MTURN: variants seen among roughly 807,000 people sequenced by gnomAD.
MTURN encodes the protein maturin, neural progenitor differentiation regulator homolog, also known as maturin.
Under a neutral mutation model 14.9 loss-of-function variants are expected in MTURN, and 7 were observed. That is an observed-to-expected ratio of 0.47 (90% CI 0.27 to 0.88). The LOEUF (loss-of-function observed/expected upper bound fraction) is 0.88. MTURN is among the 40% of genes least tolerant of loss of function. The probability of loss-of-function intolerance (pLI) is 0.14; values close to 1 mark genes in which losing one functional copy is unlikely to be tolerated. For synonymous variants in MTURN, 69 were observed against 72.5 expected, an observed-to-expected ratio of 0.95 and a Z score of 0.25; for missense variants, 151 against 174.1, an observed-to-expected ratio of 0.87 and a Z score of 0.75.
intron 2 of MTURN, among the ~76,000 whole-genome samples, chr7:30,147,711 GAA>G (rs943700240): frequency 3.9e-5 from 6 of 152,172 alleles, no homozygotes; most frequent in Non-Finnish European, 8.8e-5. Flanking sequence ...CATTCTCAAT[GAA>G]AGAGTTGGAC....
At chr7:30,138,581 T>C (rs1797002111) in intron 1 of MTURN, among the ~76,000 whole-genome samples, 1 of 152,016 alleles carries the variant, frequency 6.6e-6, no homozygotes, top group Non-Finnish European at 1.5e-5. Flanking sequence ...AACCTCCACC[T>C]CACTCTTACT....
At position 30,142,688 on chromosome 7, in the gene MTURN, C is replaced by A. The variant is rs143869441; in HGVS notation, c.163-3489C>A. On this transcript the variant is annotated intron_variant, in intron 1 of 2. Transcript: ENST00000324453. ...ACTTTGCAATTTAAACTCTGCCCCC[C>A]CAGCACGCAACTCTGATCCACACTG... is the stretch of plus-strand genomic sequence containing the variant. Among the ~76,000 whole-genome samples, 217 of 152,036 alleles carry A rather than the reference C, an allele frequency of 1.4e-3. 1 individual carries two copies. The highest frequency in any genetic ancestry group is 7.6e-3 in the East Asian group (39 of 5,142).
At chr7:30,143,317 C>G (rs1797080053) in intron 1 of MTURN, among the ~76,000 whole-genome samples, 1 of 151,232 alleles carries the variant, frequency 6.6e-6, no homozygotes, top group African/African-American at 2.4e-5. Flanking sequence ...TCTGTTTGTC[C>G]TGGTCTCACT....
In MTURN at chr7:30,157,622, G is replaced by A. The variant is rs1262633910; in HGVS notation, c.*74G>A. 1.5e-5 allele frequency: 16 copies of A among 1,074,930 alleles called. No homozygotes were observed. The highest frequency in any genetic ancestry group is 3.4e-5 in the South Asian group (2 of 59,162). The allele number at this position is 1,074,930 out of a possible 1,614,324, so 66.6% of individuals were successfully genotyped here. On this transcript the variant is annotated 3_prime_UTR_variant, in exon 3 of 3. Transcript: ENST00000324453. ...TGGGGTCACTGCCCCTCCTGGGTTA[G>A]CATTTTGCATTAGCACTTCGAAATA... is the stretch of plus-strand genomic sequence containing the variant.
intron 1 of MTURN, among the ~76,000 whole-genome samples, chr7:30,144,649 G>T (rs2128031382): frequency 6.6e-6 from 1 of 152,284 alleles, no homozygotes; most frequent in East Asian, 1.9e-4. Context: ...ATGGACCTTT[G>T]CAACTATGAA....
chr7:30,137,501 G>A, intron 1 of MTURN: 2 of 424,858 alleles, frequency 4.7e-6, no homozygotes, highest in South Asian at 1.7e-5. Flanking sequence ...TTTCCCATCT[G>A]CATGAGAAAA....
chr7:30,140,415 G>GTGTGTGTGTACATATATATATATATATA (rs33952294), intron 1 of MTURN, among the ~76,000 whole-genome samples: 2 of 143,732 alleles, frequency 1.4e-5, no homozygotes, highest in Non-Finnish European at 3.0e-5. Flanking sequence ...GTGTGTGTGT[G>GTGTGTGTGTACATATATATATATATATA]TATCCCCATT....
At chr7:30,147,613 G>A (rs925446875) in intron 2 of MTURN, among the ~76,000 whole-genome samples, 4 of 144,324 alleles carry the variant, frequency 2.8e-5, no homozygotes, top group African/African-American at 1.1e-4. Context: ...CAGGATAAAA[G>A]CAGCTTTTTA....
intron 1 of MTURN, among the ~76,000 whole-genome samples, chr7:30,141,610 A>G (rs1317052303): frequency 2.6e-5 from 4 of 151,938 alleles, no homozygotes; most frequent in Non-Finnish European, 5.9e-5. Context: ...CGTAACCTCA[A>G]ATTCCTGGGC....
At chr7:30,151,375 G>C (rs778701353) in intron 2 of MTURN, among the ~76,000 whole-genome samples, 3 of 152,182 alleles carry the variant, frequency 2.0e-5, no homozygotes, top group Admixed American at 2.0e-4. Flanking sequence ...TCCATTGACA[G>C]TTGCTGGTCA....
intron 2 of MTURN, among the ~76,000 whole-genome samples, chr7:30,155,575 G>A (rs1797274672): frequency 1.3e-5 from 2 of 152,116 alleles, no homozygotes; most frequent in Non-Finnish European, 1.5e-5. Flanking sequence ...CACCCTCTCC[G>A]GGGAGCTGAG....
intron 1 of MTURN, among the ~76,000 whole-genome samples, chr7:30,145,417 C>G (rs1374736680): frequency 1.3e-5 from 2 of 152,266 alleles, no homozygotes; most frequent in Middle Eastern, 6.8e-3. Context: ...TCACTTGAAT[C>G]TGGCAGGAAG....
chr7:30,135,277 C>G lies in MTURN; in HGVS notation c.141C>G (p.Asp47Glu). 1 of 1,527,872 alleles carries G rather than the reference C, an allele frequency of 6.5e-7. No homozygotes were observed. The highest frequency in any genetic ancestry group is 8.8e-7 in the Non-Finnish European group (1 of 1,137,122). 94.6% of individuals were successfully genotyped at this position (1,527,872 alleles called of 1,614,324 possible). A position where few individuals can be genotyped will look rare whatever the true frequency, so the allele number is the denominator to read the frequency against. The change falls in exon 1 of 3, where the codon GAC (aspartate) becomes GAG (glutamate). Residue 47 changes from aspartate (D) to glutamate (E), a missense_variant. Asp to Glu is a conservative substitution (Grantham distance 45). Transcript: ENST00000324453. ...PGVSFYVLCPDNGCGDNFHVW... is the reference protein window; with the variant it reads ...PGVSFYVLCPENGCGDNFHVW... ...TCTCCTTCTATGTGCTGTGTCCGGA[C>G]AACGGCTGCGGCGACAATTTTGTGA...
chr7:30,140,895 A>G (rs1372921667), intron 1 of MTURN: 1 of 152,156 alleles, frequency 6.6e-6, no homozygotes, highest in Non-Finnish European at 1.5e-5. Flanking sequence ...CCCTGTAAAT[A>G]TAATTATTTT....
At chr7:30,146,041 A>G (rs947715384) in intron 1 of MTURN, 136 bp from the exon 2 acceptor site, 2 of 1,585,874 alleles carry the variant, frequency 1.3e-6, no homozygotes, top group Non-Finnish European at 1.7e-6. Context: ...GAACGCATGT[A>G]TGAATTTTAC....
rs757709372 is a variant in MTURN at position 30,146,134 on chromosome 7, T to G, written c.163-43T>G. On this transcript the variant is annotated intron_variant, in intron 1 of 2. Coordinates refer to ENST00000324453, the MANE Select transcript of MTURN (RefSeq NM_152793.3). ...TGAACTTCACACTGAGTGTAGTGAC[T>G]GTGTGTCTTTGTTTTCTCCTTCCGT... 48 of 1,612,214 alleles carry G rather than the reference T, an allele frequency of 3.0e-5. No individual in the cohort carries two copies. The African/African-American group carries it at 5.1e-4, about 17-fold the overall frequency.
At chr7:30,137,459 C>A in intron 1 of MTURN, 1 of 381,640 alleles carries the variant, frequency 2.6e-6, no homozygotes, top group Non-Finnish European at 5.3e-6. Flanking sequence ...TGTATCAGGC[C>A]TTTCTCTTGA....
chr7:30,146,022 A>G, intron 1 of MTURN, 155 bp from the exon 2 acceptor site: 1 of 1,563,762 alleles, frequency 6.4e-7, no homozygotes, highest in South Asian at 1.2e-5. Flanking sequence ...TTCAACGCAA[A>G]CAAATCAAGA....
At position 30,146,016 on chromosome 7, in the gene MTURN, A is replaced by T. The variant is rs1797123631; in HGVS notation, c.163-161A>T. ...ATTAGACATTTTTTCTTCCCTTTCA[A>T]CGCAAACAAATCAAGAACGCATGTA... is the stretch of plus-strand genomic sequence containing the variant. On this transcript the variant is annotated intron_variant, in intron 1 of 2. Coordinates refer to ENST00000324453, the MANE Select transcript of MTURN (RefSeq NM_152793.3). 1.0e-5 allele frequency: 16 copies of T among 1,556,630 alleles called. No individual in the cohort carries two copies. The Admixed American group carries it at 3.0e-4, about 29-fold the overall frequency.
Sources: allele counts gnomAD v4.1 joint callset (sites outside exome capture counted in the v4.1 genomes callset), GRCh38; gene constraint gnomAD v4.1.1; transcripts MANE v1.5; gene names NCBI Gene and HGNC (gene_info 2026-07-23, HGNC 2026-07-21).